The following MACROD2 variants were observed in gnomAD, a reference collection of about 807,000 sequenced individuals.
MACROD2 encodes the protein ADP-ribose glycohydrolase MACROD2.
A neutral mutation model predicts 70.4 loss-of-function variants in MACROD2; 36 were observed. The observed-to-expected ratio is 0.51, with a 90% CI of 0.39 to 0.68. The LOEUF (loss-of-function observed/expected upper bound fraction) is 0.68. Ranked by LOEUF, MACROD2 falls within the 30% of genes least tolerant of loss-of-function variation. The pLI, the probability that MACROD2 is intolerant of heterozygous loss-of-function variation, is 0.00. For synonymous variants in MACROD2, 172 were observed against 178.8 expected, an observed-to-expected ratio of 0.96 and a Z score of 0.30; for missense variants, 496 against 538.4, an observed-to-expected ratio of 0.92 and a Z score of 0.78.
intron 8 of MACROD2, among the ~76,000 whole-genome samples, chr20:15,805,774 C>G (rs1276114599): frequency 7.2e-5 from 11 of 152,036 alleles, no homozygotes; most frequent in Admixed American, 6.5e-4. Flanking sequence ...CCGCATCTGG[C>G]CAAAAATACG....
chr20:14,752,390 A>AT (rs2071885427), intron 5 of MACROD2, among the ~76,000 whole-genome samples: 3 of 151,958 alleles, frequency 2.0e-5, no homozygotes. Flanking sequence ...CCAAAAAAAA[A>AT]TAAGACTCAT....
At chr20:14,059,805 G>T (rs963308926) in intron 2 of MACROD2, among the ~76,000 whole-genome samples, 36 of 152,152 alleles carry the variant, frequency 2.4e-4, no homozygotes, top group African/African-American at 4.8e-5. Flanking sequence ...ATTTCAGAAT[G>T]TGATAAGTGC....
intron 2 of MACROD2, among the ~76,000 whole-genome samples, chr20:14,057,910 A>G (rs1201453820): frequency 6.6e-6 from 1 of 152,232 alleles, no homozygotes; most frequent in Non-Finnish European, 1.5e-5. Flanking sequence ...GTTGATCAAA[A>G]TAAACTAGAC....
intron 8 of MACROD2, among the ~76,000 whole-genome samples, chr20:15,560,544 C>A (rs1337037890): frequency 6.6e-6 from 1 of 151,832 alleles, no homozygotes; most frequent in African/African-American, 2.4e-5. Context: ...GGCAAGATAA[C>A]TTGAGGTCAG....
At chr20:15,767,583 C>T (rs1395788306) in intron 8 of MACROD2, among the ~76,000 whole-genome samples, 19 of 152,184 alleles carry the variant, frequency 1.2e-4, no homozygotes, top group Non-Finnish European at 1.6e-4. Context: ...TTTAGCCCCT[C>T]ATTTCTTCTG....
intron 15 of MACROD2, among the ~76,000 whole-genome samples, chr20:16,017,567 C>G (rs976594984): frequency 3.9e-5 from 6 of 152,148 alleles, no homozygotes; most frequent in African/African-American, 1.2e-4. Flanking sequence ...GTCAGTTTCC[C>G]TCCTTTCTCT....
Position 15,169,647 on chromosome 20 carries a change from T to G in MACROD2, c.419-60293T>G, listed in dbSNP as rs1204395900. On this transcript the variant is annotated intron_variant, in intron 5 of 17. Transcript: ENST00000684519. ...AAGAAAAAAATCAAGTTGTCTTTAC[T>G]TAATGACCACTGATGTAGTTTTAGT... 2.0e-5 allele frequency among the ~76,000 whole-genome samples: 3 copies of G among 152,254 alleles called. No individual in the cohort carries two copies. In the East Asian group the frequency reaches 5.8e-4, roughly 29 times the overall value.
intron 3 of MACROD2, among the ~76,000 whole-genome samples, chr20:14,349,147 GT>G (rs2083094373): frequency 6.7e-6 from 1 of 149,312 alleles, no homozygotes; most frequent in Admixed American, 6.7e-5. Flanking sequence ...ACATTGGGTG[GT>G]TTAAAGCCTT....
At chr20:15,656,573 A>G (rs2049734019) in intron 8 of MACROD2, among the ~76,000 whole-genome samples, 1 of 152,168 alleles carries the variant, frequency 6.6e-6, no homozygotes, top group Non-Finnish European at 1.5e-5. Context: ...CAAACCCCAG[A>G]GTTGGAACTG....
chr20:14,699,179 G>A (rs898402074), intron 5 of MACROD2, among the ~76,000 whole-genome samples: 4 of 152,014 alleles, frequency 2.6e-5, no homozygotes, highest in African/African-American at 9.7e-5. Context: ...CCTTTCCCCC[G>A]ATACAGAGTC....
chr20:15,893,147 C>T (rs2064915158), intron 10 of MACROD2: 1 of 399,282 alleles, frequency 2.5e-6, no homozygotes, highest in Non-Finnish European at 4.4e-6. Context: ...TCTTTTATCC[C>T]TTTCTAATAT....
chr20:14,363,383 C>T (rs1175112430), intron 3 of MACROD2, among the ~76,000 whole-genome samples: 1 of 152,032 alleles, frequency 6.6e-6, no homozygotes, highest in Admixed American at 6.6e-5. Flanking sequence ...TGAACAAAGG[C>T]ATTTTGGTCC....
chr20:15,843,773 GGA>G (rs2064199991), intron 8 of MACROD2, among the ~76,000 whole-genome samples: 1 of 152,132 alleles, frequency 6.6e-6, no homozygotes, highest in Non-Finnish European at 1.5e-5. Context: ...GCAACTGAGA[GGA>G]AAGTCCAACC....
intron 13 of MACROD2, among the ~76,000 whole-genome samples, chr20:15,974,980 T>G (rs893362252): frequency 6.6e-6 from 1 of 151,854 alleles, no homozygotes; most frequent in Non-Finnish European, 1.5e-5. Flanking sequence ...TGAAAACTAG[T>G]GGGAAAATAT....
At chr20:15,051,579 G>GAGGC (rs1217764591) in intron 5 of MACROD2, among the ~76,000 whole-genome samples, 1 of 152,024 alleles carries the variant, frequency 6.6e-6, no homozygotes, top group Non-Finnish European at 1.5e-5. Context: ...CTGAGTAGAT[G>GAGGC]AGGCCCACTC....
chr20:15,425,653 A>G (rs1249205912), intron 6 of MACROD2, among the ~76,000 whole-genome samples: 2 of 152,198 alleles, frequency 1.3e-5, no homozygotes, highest in Non-Finnish European at 1.5e-5. Context: ...GGTGGTCAAT[A>G]AACTCTTCAT....
intron 3 of MACROD2, among the ~76,000 whole-genome samples, chr20:14,343,330 A>ATGTG (rs2122669081): frequency 6.6e-6 from 1 of 152,204 alleles, no homozygotes; most frequent in East Asian, 1.9e-4. Flanking sequence ...GATACTTTCT[A>ATGTG]TGTGGCCCTG....
chr20:16,011,687 G>T (rs1236693537), intron 15 of MACROD2, among the ~76,000 whole-genome samples: 1 of 151,858 alleles, frequency 6.6e-6, no homozygotes, highest in Non-Finnish European at 1.5e-5. Flanking sequence ...GGAAGTTTTA[G>T]CAAAGCATCC....
Position 16,031,479 on chromosome 20 carries a change from T to A in MACROD2, c.1154-9722T>A, listed in dbSNP as rs557718496. Among the ~76,000 whole-genome samples, 3 of 152,270 alleles carry A rather than the reference T, an allele frequency of 2.0e-5. No individual in the cohort carries two copies. The East Asian group carries it at 5.8e-4, about 29-fold the overall frequency. ...GATCTAGAAATTCACTCGGAATTCA[T>A]CCTTGGGAAATATTTACAAAATCTT... On this transcript the variant is annotated intron_variant, in intron 15 of 17. Transcript: ENST00000684519.
Sources: allele counts gnomAD v4.1 joint callset (sites outside exome capture counted in the v4.1 genomes callset), GRCh38; gene constraint gnomAD v4.1.1; transcripts MANE v1.5; gene names NCBI Gene and HGNC (gene_info 2026-07-23, HGNC 2026-07-21).